SPATA13: variants seen among roughly 807,000 people sequenced by gnomAD.
SPATA13 encodes the protein spermatogenesis associated 13, also known as spermatogenesis-associated protein 13.
A neutral mutation model predicts 104.0 loss-of-function variants in SPATA13; 50 were observed. That is an observed-to-expected ratio of 0.48 (90% CI 0.38 to 0.61). SPATA13 has a LOEUF of 0.61. Ranked by LOEUF, SPATA13 falls within the 20% of genes least tolerant of loss-of-function variation. The pLI is 0.00. For synonymous variants in SPATA13, 606 were observed against 667.5 expected (o/e 0.91, Z 1.42); for missense variants, 1,524 against 1,690.6 (o/e 0.90, Z 1.73).
At chr13:24,109,774 G>A (rs891327262) in intron 3 of SPATA13, among the ~76,000 whole-genome samples, 5 of 151,980 alleles carry the variant, frequency 3.3e-5, no homozygotes, top group African/African-American at 9.7e-5. Context: ...GCACCACTAG[G>A]AGGTTGTTTG....
At chr13:24,120,899 C>T (rs932951308) in intron 3 of SPATA13, among the ~76,000 whole-genome samples, 18 of 152,242 alleles carry the variant, frequency 1.2e-4, no homozygotes, top group Admixed American at 4.6e-4. Flanking sequence ...TCAGGTACTG[C>T]GCTGTCACGA....
intron 2 of SPATA13, among the ~76,000 whole-genome samples, chr13:24,006,543 C>T (rs1244359804): frequency 3.3e-5 from 5 of 152,182 alleles, no homozygotes; most frequent in African/African-American, 7.2e-5. Flanking sequence ...GGCAGAGGAG[C>T]GAATAGAGGC....
chr13:24,265,690 C>T (rs987675484), intron 4 of SPATA13, among the ~76,000 whole-genome samples: 1 of 152,118 alleles, frequency 6.6e-6, no homozygotes, highest in African/African-American at 2.4e-5. Flanking sequence ...CGCCCATGTC[C>T]TAAAGCTGAT....
intron 9 of SPATA13, among the ~76,000 whole-genome samples, chr13:24,292,563 A>T (rs1222254895): frequency 6.6e-6 from 1 of 152,260 alleles, no homozygotes; most frequent in East Asian, 1.9e-4. Context: ...GAGGGAAGGG[A>T]TTGTACCAGG....
chr13:24,235,032 T>C (rs1017083725), intron 2 of SPATA13, among the ~76,000 whole-genome samples: 4 of 152,244 alleles, frequency 2.6e-5, no homozygotes, highest in African/African-American at 9.6e-5. Context: ...CTTACCACAG[T>C]GCCTTGGAAC....
chr13:23,999,478 C>T (rs1207245733), intron 2 of SPATA13, among the ~76,000 whole-genome samples: 2 of 151,496 alleles, frequency 1.3e-5, no homozygotes, highest in African/African-American at 4.9e-5. Flanking sequence ...TCTTCCAACC[C>T]ATCATACAGT....
At chr13:24,029,159 A>G (rs150652769) in intron 3 of SPATA13, among the ~76,000 whole-genome samples, 126 of 152,254 alleles carry the variant, frequency 8.3e-4, no homozygotes, top group African/African-American at 2.8e-3. Context: ...CCTGGGCTCA[A>G]GTGATCCTGT....
intron 1 of SPATA13, among the ~76,000 whole-genome samples, chr13:24,162,067 G>A (rs1255034609): frequency 6.6e-6 from 1 of 151,932 alleles, no homozygotes; most frequent in Non-Finnish European, 1.5e-5. Flanking sequence ...TTCTCGGGGT[G>A]CCTGTCATGC....
intron 2 of SPATA13, among the ~76,000 whole-genome samples, chr13:24,009,866 C>T (rs1290890156): frequency 6.6e-6 from 1 of 152,180 alleles, no homozygotes; most frequent in Non-Finnish European, 1.5e-5. Context: ...CCCTTCCATC[C>T]TGGCCTAAAT....
chr13:23,984,096 G>C (rs17426978), intron 2 of SPATA13, among the ~76,000 whole-genome samples: 1 of 152,118 alleles, frequency 6.6e-6, no homozygotes, highest in Non-Finnish European at 1.5e-5. Flanking sequence ...GGAACGTGTG[G>C]CAAGAACTCC....
rs1871763957 is a variant in SPATA13, at chr13:24,223,884, A to G, written c.955A>G (p.Arg319Gly). 1 of 1,551,672 alleles carries G rather than the reference A, an allele frequency of 6.4e-7. No individual in the cohort carries two copies. The highest frequency in any genetic ancestry group is 8.7e-7 in the Non-Finnish European group (1 of 1,146,994). Residue 319 changes from arginine (R) to glycine (G), a missense_variant, in exon 2 of 13, where the codon AGA (arginine) becomes GGA (glycine). By Grantham distance (125) the Arg-to-Gly change is moderately radical. Transcript: ENST00000382108. ...RSPIRAKDFD[R>G]VFKLVSNVTE... Reference sequence around the variant, plus strand: ...CCCGATAAGGGCCAAGGACTTTGACAGAGTCTTCAAACTTGTGAGCAATGT... The same window carrying G: ...CCCGATAAGGGCCAAGGACTTTGACGGAGTCTTCAAACTTGTGAGCAATGT...
In SPATA13 at chr13:24,107,984, G is replaced by T. The variant is rs1880508835; in HGVS notation, c.-112+90283G>T. 2.0e-5 allele frequency among the ~76,000 whole-genome samples: 3 copies of T among 152,232 alleles called. No homozygotes were observed. The South Asian group carries it at 6.2e-4, about 31-fold the overall frequency. ...TATCACAAACTGGGTTATTTATAAA[G>T]AACGAAATTGATTTCTCAGTTCTGG... On this transcript the variant is annotated intron_variant, in intron 3 of 14. Coordinates refer to the SPATA13 transcript ENST00000424834.
At chr13:24,190,036 ATATATT>A (rs1431469741) in intron 1 of SPATA13, among the ~76,000 whole-genome samples, 1 of 99,276 alleles carries the variant, frequency 1.0e-5, no homozygotes, top group East Asian at 3.4e-4. Flanking sequence ...GATATACAAT[ATATATT>A]ATTATATAAC....
intron 3 of SPATA13, among the ~76,000 whole-genome samples, chr13:24,102,219 G>C (rs557306394): frequency 6.6e-6 from 1 of 152,226 alleles, no homozygotes; most frequent in South Asian, 2.1e-4. Flanking sequence ...TTTGCGTTTT[G>C]CTAATTTATA....
chr13:24,095,019 A>G (rs1418282752), intron 3 of SPATA13, among the ~76,000 whole-genome samples: 1 of 152,228 alleles, frequency 6.6e-6, no homozygotes, highest in Admixed American at 6.5e-5. Context: ...AGTTAAAAAT[A>G]GAATCGCCAT....
rs146913019 is a variant in SPATA13, at chr13:24,061,640, T to A, written c.-112+43939T>A. On this transcript the variant is annotated intron_variant, in intron 3 of 14. Transcript: ENST00000424834. The stretch of plus-strand genomic sequence containing the variant: ...GGAACAGAAAACCAAATACTATATG[T>A]TCTTACTTATAAATAGGAGCTTAGT... Among the ~76,000 whole-genome samples, 681 of 152,282 alleles carry A rather than the reference T, an allele frequency of 4.5e-3. 7 individuals carry two copies. Among genetic ancestry groups the A allele is most frequent in the African/African-American group, 0.016 (646 of 41,548 alleles).
intron 3 of SPATA13, among the ~76,000 whole-genome samples, chr13:24,024,082 C>G (rs532341664): frequency 6.6e-6 from 1 of 152,250 alleles, no homozygotes; most frequent in South Asian, 2.1e-4. Flanking sequence ...GCTGAAGAGG[C>G]TCTGAGTCAT....
At chr13:24,204,243 G>A (rs929522178) in intron 1 of SPATA13, among the ~76,000 whole-genome samples, 5 of 152,142 alleles carry the variant, frequency 3.3e-5, no homozygotes, top group Admixed American at 2.0e-4. Flanking sequence ...CAGAGTCTCT[G>A]TTACTGTTAT....
chr13:24,084,621 T>C (rs1201218304), intron 3 of SPATA13, among the ~76,000 whole-genome samples: 1 of 152,204 alleles, frequency 6.6e-6, no homozygotes. Context: ...TGAGGGTCTC[T>C]GGTGGAGGAC....
Sources: gnomAD v4.1 joint callset for allele counts (sites outside exome capture counted in the v4.1 genomes callset) on GRCh38, gnomAD v4.1.1 for gene constraint, MANE v1.5 for transcripts, NCBI Gene and HGNC (gene_info 2026-07-23, HGNC 2026-07-21) for gene names.